PTPRO: variants seen among roughly 807,000 people sequenced by gnomAD.
The protein encoded by PTPRO is receptor-type tyrosine-protein phosphatase O.
Under a neutral mutation model 145.2 loss-of-function variants are expected in PTPRO, and 62 were observed. The observed-to-expected ratio is 0.43, with a 90% confidence interval of 0.35 to 0.53. The LOEUF is 0.53. Ranked by LOEUF, PTPRO falls within the 20% of genes least tolerant of loss-of-function variation. The pLI, the probability that PTPRO is intolerant of heterozygous loss-of-function variation, is 0.01. For missense variants in PTPRO, 1,345 were observed against 1,482.7 expected (o/e 0.91, Z 1.53); for synonymous variants, 565 against 514.7 (o/e 1.10, Z -1.32).
intron 1 of PTPRO, among the ~76,000 whole-genome samples, chr12:15,483,347 C>T (rs753105324): frequency 2.6e-5 from 4 of 152,070 alleles, no homozygotes; most frequent in Non-Finnish European, 5.9e-5. Flanking sequence ...GTCCATCAAC[C>T]GCTGATCCCC....
chr12:15,392,927 T>C (rs147245552), intron 1 of PTPRO, among the ~76,000 whole-genome samples: 3 of 152,226 alleles, frequency 2.0e-5, no homozygotes, highest in African/African-American at 4.8e-5. Context: ...AGATGCTCCC[T>C]GATGGGCATT....
At chr12:15,495,737 T>C (rs1053399680) in intron 2 of PTPRO, among the ~76,000 whole-genome samples, 3 of 152,174 alleles carry the variant, frequency 2.0e-5, no homozygotes, top group African/African-American at 7.2e-5. Flanking sequence ...GAGAAGATTT[T>C]ATCAGGATTA....
At chr12:15,413,957 A>C (rs540166047) in intron 1 of PTPRO, among the ~76,000 whole-genome samples, 1 of 152,360 alleles carries the variant, frequency 6.6e-6, no homozygotes, top group Non-Finnish European at 1.5e-5. Context: ...AATATATTGA[A>C]AACTGAAGTT....
chr12:15,439,714 C>T (rs572398474), intron 1 of PTPRO: 14 of 501,588 alleles, frequency 2.8e-5, no homozygotes, highest in East Asian at 1.0e-4. Context: ...TGCCCGTCAC[C>T]GAGCTGGACC....
intron 1 of PTPRO, among the ~76,000 whole-genome samples, chr12:15,462,568 G>A (rs1941329302): frequency 6.6e-6 from 1 of 152,202 alleles, no homozygotes; most frequent in African/African-American, 2.4e-5. Flanking sequence ...GCTGAGACCA[G>A]TGTTCCGTGC....
intron 1 of PTPRO, among the ~76,000 whole-genome samples, chr12:15,421,732 A>G (rs1484626059): frequency 6.6e-6 from 1 of 152,242 alleles, no homozygotes; most frequent in African/African-American, 2.4e-5. Context: ...TACCATTATT[A>G]AAGGAACCTT....
intron 17 of PTPRO, among the ~76,000 whole-genome samples, chr12:15,562,740 TC>T (rs1456071781): frequency 3.4e-3 from 337 of 98,254 alleles, no homozygotes; most frequent in South Asian, 8.9e-3. Context: ...CAGTGTTAAA[TC>T]TTTTTTTTTT....
At chr12:15,507,620 G>A (rs1277923593) in intron 6 of PTPRO, among the ~76,000 whole-genome samples, 1 of 152,074 alleles carries the variant, frequency 6.6e-6, no homozygotes, top group East Asian at 1.9e-4. Flanking sequence ...TTGTGTCTGT[G>A]GTGTCACTGA....
At chr12:15,402,967 T>C (rs1207609515) in intron 1 of PTPRO, among the ~76,000 whole-genome samples, 1 of 152,194 alleles carries the variant, frequency 6.6e-6, no homozygotes, top group Non-Finnish European at 1.5e-5. Flanking sequence ...TCATCTGCCA[T>C]GTTAAGGCAA....
At chr12:15,426,785 C>T (rs1940297555) in intron 1 of PTPRO, among the ~76,000 whole-genome samples, 1 of 151,910 alleles carries the variant, frequency 6.6e-6, no homozygotes. Flanking sequence ...AGAGAAAATA[C>T]CAGACACTCA....
chr12:15,350,581 G>A (rs1304561634), intron 1 of PTPRO, among the ~76,000 whole-genome samples: 3 of 152,220 alleles, frequency 2.0e-5, no homozygotes, highest in African/African-American at 7.2e-5. Context: ...AGAAGTTTAG[G>A]GCAAATACTG....
chr12:15,593,684 G>A (rs1033439353), intron 25 of PTPRO, among the ~76,000 whole-genome samples: 6 of 152,022 alleles, frequency 3.9e-5, no homozygotes, highest in Non-Finnish European at 8.8e-5. Context: ...CCTTTTTATA[G>A]AACATTAAAT....
At chr12:15,410,009 G>A (rs1276729490) in intron 1 of PTPRO, among the ~76,000 whole-genome samples, 1 of 152,124 alleles carries the variant, frequency 6.6e-6, no homozygotes, top group East Asian at 1.9e-4. Context: ...TTAGGGCAAG[G>A]GAGTAGGAGA....
intron 1 of PTPRO, among the ~76,000 whole-genome samples, chr12:15,416,519 C>A (rs891153455): frequency 8.6e-5 from 13 of 151,180 alleles, no homozygotes; most frequent in Non-Finnish European, 1.9e-4. Context: ...CGGGGTTTCA[C>A]CATGTTAGCC....
intron 2 of PTPRO, among the ~76,000 whole-genome samples, chr12:15,494,021 T>C (rs1304159054): frequency 6.6e-6 from 1 of 152,188 alleles, no homozygotes; most frequent in Non-Finnish European, 1.5e-5. Flanking sequence ...TATGATAATT[T>C]ACATAATAAT....
intron 1 of PTPRO, among the ~76,000 whole-genome samples, chr12:15,324,880 A>G (rs1866403475): frequency 6.6e-6 from 1 of 152,234 alleles, no homozygotes; most frequent in Non-Finnish European, 1.5e-5. Context: ...AGTATATTAC[A>G]TGGTGCGTTG....
intron 1 of PTPRO, among the ~76,000 whole-genome samples, chr12:15,367,139 T>C (rs141875674): frequency 7.2e-4 from 110 of 152,348 alleles, no homozygotes; most frequent in African/African-American, 2.3e-3. Flanking sequence ...CAAAGCAATG[T>C]TCCAAGCTCC....
chr12:15,372,190 C>G (rs544882596), intron 1 of PTPRO, among the ~76,000 whole-genome samples: 1 of 152,184 alleles, frequency 6.6e-6, no homozygotes, highest in South Asian at 2.1e-4. Flanking sequence ...TGTATATACC[C>G]CTAATGAATC....
chr12:15,551,758 G>A (rs1185770331), intron 15 of PTPRO, 87 bp downstream of exon 15: 7 of 1,409,942 alleles, frequency 5.0e-6, no homozygotes, highest in African/African-American at 4.3e-5. Flanking sequence ...CACCTAAGTT[G>A]TATAGCGGTA....
Sources: gnomAD v4.1 joint callset for allele counts (sites outside exome capture counted in the v4.1 genomes callset) on GRCh38, gnomAD v4.1.1 for gene constraint, MANE v1.5 for transcripts, NCBI Gene and HGNC (gene_info 2026-07-23, HGNC 2026-07-21) for gene names.